FGF14: variants seen among roughly 807,000 people sequenced by gnomAD.
FGF14 encodes fibroblast growth factor 14, also known as fibroblast growth factor homologous factor 4.
FGF14 carries 5 observed loss-of-function variants against 25.5 expected under a neutral mutation model. The ratio of observed to expected loss-of-function variants is 0.20; its 90% CI spans 0.10 to 0.41. The LOEUF is 0.41. Ranked by LOEUF, FGF14 falls within the 10% of genes least tolerant of loss-of-function variation. The probability of loss-of-function intolerance (pLI) is 1.00; values close to 1 mark genes in which losing one functional copy is unlikely to be tolerated. For synonymous variants in FGF14, 138 were observed against 118.3 expected (o/e 1.17, Z -1.08); for missense variants, 222 against 320.1 (o/e 0.69, Z 2.34).
chr13:101,744,533 A>G (rs558098978), intron 3 of FGF14, among the ~76,000 whole-genome samples: 2 of 152,260 alleles, frequency 1.3e-5, no homozygotes, highest in African/African-American at 4.8e-5. Context: ...TGTCCAGAAT[A>G]ATGCACAGTA....
chr13:102,384,848 G>A (rs2058264465), intron 1 of FGF14, among the ~76,000 whole-genome samples: 1 of 152,054 alleles, frequency 6.6e-6, no homozygotes, highest in Non-Finnish European at 1.5e-5. Context: ...TCTCCTCCCT[G>A]CTTACAAAGT....
At chr13:101,792,711 A>C (rs1489887799) in intron 3 of FGF14, among the ~76,000 whole-genome samples, 1 of 152,062 alleles carries the variant, frequency 6.6e-6, no homozygotes, top group Admixed American at 6.6e-5. Context: ...TAACCAATTA[A>C]CTCTACATTT....
At chr13:101,944,014 A>C (rs934737811) in intron 1 of FGF14, among the ~76,000 whole-genome samples, 9 of 91,016 alleles carry the variant, frequency 9.9e-5, no homozygotes, top group Non-Finnish European at 1.5e-4. Context: ...AAAAAAAAAA[A>C]CAAAAAAAAA....
At chr13:102,074,860 T>G (rs901646731) in intron 1 of FGF14, among the ~76,000 whole-genome samples, 3 of 152,216 alleles carry the variant, frequency 2.0e-5, no homozygotes, top group African/African-American at 7.2e-5. Context: ...GAAAAAGTAC[T>G]TGAAAAAATT....
intron 1 of FGF14, among the ~76,000 whole-genome samples, chr13:102,160,725 T>C (rs889450184): frequency 2.6e-5 from 4 of 151,968 alleles, no homozygotes; most frequent in African/African-American, 9.7e-5. Flanking sequence ...CAAAAGTCCC[T>C]AGAATAGGAT....
Position 101,714,169 on chromosome 13 carries a change from C to T in FGF14, c.*8662G>A, listed in dbSNP as rs1022385317. 7 of 396,042 alleles carry T rather than the reference C, an allele frequency of 1.8e-5. No homozygotes were observed. The highest frequency in any genetic ancestry group is 1.2e-4 in the Admixed American group (3 of 24,754). 24.5% of individuals were successfully genotyped at this position (396,042 alleles called of 1,614,324 possible). ...ATCTATAAGAATCAACCCCATCCTG[C>T]TCTCATTGACATTTCAACCAGACTG... On this transcript the variant is annotated 3_prime_UTR_variant, in exon 5 of 5. Coordinates refer to ENST00000376143, the MANE Select transcript of FGF14 (RefSeq NM_004115.4).
At chr13:101,933,327 G>A (rs2034889756) in intron 1 of FGF14, among the ~76,000 whole-genome samples, 1 of 152,242 alleles carries the variant, frequency 6.6e-6, no homozygotes, top group African/African-American at 2.4e-5. Flanking sequence ...ATTATTCATA[G>A]AACAAATGCT....
intron 3 of FGF14, among the ~76,000 whole-genome samples, chr13:101,737,958 T>G (rs923235709): frequency 2.6e-5 from 4 of 152,116 alleles, no homozygotes; most frequent in African/African-American, 9.7e-5. Flanking sequence ...AGCCAACCTT[T>G]AAAATGAAAG....
intron 1 of FGF14, among the ~76,000 whole-genome samples, chr13:102,135,423 G>A (rs150172940): frequency 5.3e-5 from 8 of 152,032 alleles, no homozygotes; most frequent in East Asian, 3.9e-4. Flanking sequence ...CAAGCCATAC[G>A]AACAAATAGC....
chr13:102,070,036 C>T (rs1435773873), intron 1 of FGF14, among the ~76,000 whole-genome samples: 2 of 152,090 alleles, frequency 1.3e-5, no homozygotes, highest in East Asian at 3.9e-4. Flanking sequence ...CAAATAGGAT[C>T]ACATCAAATT....
chr13:102,332,680 C>T (rs571297993), intron 1 of FGF14, among the ~76,000 whole-genome samples: 6 of 152,198 alleles, frequency 3.9e-5, no homozygotes, highest in Admixed American at 3.3e-4. Context: ...AGACCTGTCT[C>T]CTCTCAAGTG....
intron 1 of FGF14, among the ~76,000 whole-genome samples, chr13:101,962,148 T>G (rs377283208): frequency 8.9e-4 from 135 of 152,354 alleles, no homozygotes; most frequent in African/African-American, 3.2e-3. Flanking sequence ...TAAATTACTT[T>G]GGGCATTATG....
chr13:102,052,266 A>C (rs1784546658), intron 1 of FGF14, among the ~76,000 whole-genome samples: 1 of 152,150 alleles, frequency 6.6e-6, no homozygotes, highest in African/African-American at 2.4e-5. Context: ...GTCAACATCA[A>C]CAGAGCAAAT....
intron 1 of FGF14, among the ~76,000 whole-genome samples, chr13:102,285,253 C>G (rs2054037921): frequency 6.6e-6 from 1 of 152,074 alleles, no homozygotes; most frequent in African/African-American, 2.4e-5. Context: ...GTTATACATT[C>G]TGCTTCGAAG....
intron 1 of FGF14, among the ~76,000 whole-genome samples, chr13:102,200,608 C>T (rs1225314692): frequency 8.6e-6 from 1 of 115,656 alleles, no homozygotes; most frequent in African/African-American, 3.5e-5. Context: ...TCTTCTCATT[C>T]CCATTTGATT....
At chr13:101,772,415 A>G (rs1015069138) in intron 3 of FGF14, among the ~76,000 whole-genome samples, 3 of 152,114 alleles carry the variant, frequency 2.0e-5, no homozygotes, top group African/African-American at 7.2e-5. Flanking sequence ...TCTTTAAACT[A>G]TAGTATCAGG....
intron 1 of FGF14, among the ~76,000 whole-genome samples, chr13:102,156,806 A>G (rs1049362500): frequency 1.3e-5 from 2 of 152,200 alleles, no homozygotes; most frequent in Non-Finnish European, 2.9e-5. Flanking sequence ...AAGCAACTTC[A>G]GCAAAGTCTC....
intron 1 of FGF14, among the ~76,000 whole-genome samples, chr13:102,167,941 TACAC>T (rs2048091353): frequency 6.6e-6 from 1 of 151,884 alleles, no homozygotes; most frequent in South Asian, 2.1e-4. Context: ...CACACAAACA[TACAC>T]ACACACATCT....
Position 101,741,879 on chromosome 13 carries a change from A to G in FGF14, c.409-15069T>C, listed in dbSNP as rs547750093. On this transcript the variant is annotated intron_variant, in intron 3 of 4. Coordinates refer to ENST00000376143, the MANE Select transcript of FGF14 (RefSeq NM_004115.4). The stretch of plus-strand genomic sequence containing the variant: ...AAAGTAAATTAGCAAGTATTAGCAC[A>G]CCTTTTTACATAGCTGCCCTGAGCC... Among the ~76,000 whole-genome samples, 59 of 152,266 alleles carry G rather than the reference A, an allele frequency of 3.9e-4. 1 individual carries two copies. Among genetic ancestry groups the G allele is most frequent in the African/African-American group, 1.3e-3 (55 of 41,548 alleles).
Sources: allele counts gnomAD v4.1 joint callset (sites outside exome capture counted in the v4.1 genomes callset), GRCh38; gene constraint gnomAD v4.1.1; transcripts MANE v1.5; gene names NCBI Gene and HGNC (gene_info 2026-07-23, HGNC 2026-07-21).